PTPRD: variants seen among roughly 807,000 people sequenced by gnomAD.
PTPRD encodes protein tyrosine phosphatase receptor type D.
PTPRD carries 34 observed loss-of-function variants against 214.5 expected under a neutral mutation model. That is an observed-to-expected ratio of 0.16 (90% CI 0.12 to 0.21). The LOEUF is 0.21. Ranked by LOEUF, PTPRD falls within the 10% of genes least tolerant of loss-of-function variation. The pLI, the probability that PTPRD is intolerant of heterozygous loss-of-function variation, is 1.00. For synonymous variants in PTPRD, 1,128 were observed against 845.7 expected (o/e 1.33, Z -5.79); for missense variants, 2,545 against 2,398.7 (o/e 1.06, Z -1.27).
At chr9:10,050,071 G>T (rs182053915) in intron 3 of PTPRD, among the ~76,000 whole-genome samples, 63 of 152,188 alleles carry the variant, frequency 4.1e-4, no homozygotes, top group Admixed American at 1.0e-3. Flanking sequence ...CCAGCACCTG[G>T]AATAATAGGT....
At chr9:10,459,837 T>C (rs2098945615) in intron 2 of PTPRD, among the ~76,000 whole-genome samples, 1 of 151,842 alleles carries the variant, frequency 6.6e-6, no homozygotes, top group South Asian at 2.1e-4. Context: ...AATAAATTTA[T>C]CAGTATTTTA....
At chr9:8,689,441 A>G (rs1412588357) in intron 12 of PTPRD, among the ~76,000 whole-genome samples, 2 of 152,016 alleles carry the variant, frequency 1.3e-5, no homozygotes, top group African/African-American at 2.4e-5. Flanking sequence ...AACTGGACTT[A>G]TAATTCCACA....
At chr9:9,763,552 T>G (rs1039705326) in intron 6 of PTPRD, among the ~76,000 whole-genome samples, 5 of 152,172 alleles carry the variant, frequency 3.3e-5, no homozygotes, top group African/African-American at 1.2e-4. Context: ...CCTTATTATT[T>G]TGTTTCCCAT....
chr9:8,825,511 C>G (rs951732922), intron 11 of PTPRD, among the ~76,000 whole-genome samples: 2 of 151,976 alleles, frequency 1.3e-5, no homozygotes, highest in Non-Finnish European at 2.9e-5. Context: ...CTGTTAAAAG[C>G]TGTAATAGCT....
chr9:10,037,580 GA>G (rs376794277), intron 3 of PTPRD, among the ~76,000 whole-genome samples: 5,918 of 83,092 alleles, frequency 0.071, 236 homozygotes, highest in Middle Eastern at 0.15. Context: ...TATAGCAGTG[GA>G]AAAAAAAAAA....
At chr9:10,601,220 G>C (rs188215897) in intron 2 of PTPRD, among the ~76,000 whole-genome samples, 7 of 151,736 alleles carry the variant, frequency 4.6e-5, no homozygotes, top group Admixed American at 1.3e-4. Context: ...GGTAGAGTCA[G>C]GGAGACAGTA....
At chr9:9,206,696 C>A (rs2099945074) in intron 9 of PTPRD, among the ~76,000 whole-genome samples, 1 of 152,164 alleles carries the variant, frequency 6.6e-6, no homozygotes, top group South Asian at 2.1e-4. Flanking sequence ...TTGGATGCTT[C>A]CTGGCCTTGA....
intron 7 of PTPRD, among the ~76,000 whole-genome samples, chr9:9,724,313 A>T (rs1435814609): frequency 6.6e-6 from 1 of 152,156 alleles, no homozygotes; most frequent in Non-Finnish European, 1.5e-5. Flanking sequence ...TCAAGGAAAC[A>T]TCACAGTTAC....
intron 9 of PTPRD, among the ~76,000 whole-genome samples, chr9:9,341,777 C>A (rs2092969852): frequency 1.3e-5 from 2 of 151,894 alleles, no homozygotes; most frequent in Admixed American, 1.3e-4. Flanking sequence ...TGAAAGAATT[C>A]TCAAACACTT....
At chr9:10,124,626 TTTTG>T (rs1329137261) in intron 3 of PTPRD, among the ~76,000 whole-genome samples, 2 of 152,200 alleles carry the variant, frequency 1.3e-5, no homozygotes, top group African/African-American at 2.4e-5. Context: ...CATTGTAATT[TTTTG>T]TTTATTAGGG....
chr9:9,494,493 A>C (rs2096077194), intron 8 of PTPRD, among the ~76,000 whole-genome samples: 1 of 152,234 alleles, frequency 6.6e-6, no homozygotes, highest in Non-Finnish European at 1.5e-5. Context: ...ATCAAGATCA[A>C]GGCAAGAGCC....
At chr9:9,668,352 C>T (rs2096763089) in intron 7 of PTPRD, among the ~76,000 whole-genome samples, 1 of 152,078 alleles carries the variant, frequency 6.6e-6, no homozygotes. Context: ...AAGGATTTTG[C>T]TTATTTGGGG....
intron 4 of PTPRD, among the ~76,000 whole-genome samples, chr9:9,964,175 G>T (rs2094538493): frequency 7.4e-6 from 1 of 135,686 alleles, no homozygotes; most frequent in Non-Finnish European, 1.7e-5. Context: ...CAATTTGAAG[G>T]TTTCTCAAAT....
chr9:10,308,301 A>T (rs564119707), intron 3 of PTPRD, among the ~76,000 whole-genome samples: 1 of 152,086 alleles, frequency 6.6e-6, no homozygotes, highest in Non-Finnish European at 1.5e-5. Context: ...TGTTCCCAGC[A>T]TCATTTATTA....
At chr9:8,697,417 CTTTTTTTTTTTTT>C (rs752677458) in intron 12 of PTPRD, among the ~76,000 whole-genome samples, 1 of 63,242 alleles carries the variant, frequency 1.6e-5, no homozygotes, top group Non-Finnish European at 3.0e-5. Flanking sequence ...TTTTTATGTA[CTTTTTTTTTTTTT>C]TTTTTTTTTT....
intron 11 of PTPRD, among the ~76,000 whole-genome samples, chr9:8,977,963 T>C (rs928372559): frequency 2.6e-5 from 4 of 152,096 alleles, no homozygotes; most frequent in South Asian, 2.1e-4. Flanking sequence ...TATACTGTTG[T>C]CTTTTACATG....
chr9:9,073,365 A>T (rs1453110923), intron 10 of PTPRD, among the ~76,000 whole-genome samples: 1 of 152,308 alleles, frequency 6.6e-6, no homozygotes, highest in Non-Finnish European at 1.5e-5. Context: ...TTCTTTTTTT[A>T]AAAAATCAAA....
intron 3 of PTPRD, among the ~76,000 whole-genome samples, chr9:10,108,810 A>G (rs2098661925): frequency 6.6e-6 from 1 of 152,098 alleles, no homozygotes. Context: ...TGTCCTGTAT[A>G]AGAACAGATA....
intron 2 of PTPRD, among the ~76,000 whole-genome samples, chr9:10,490,170 ATAGT>A (rs1466952065): frequency 2.6e-5 from 4 of 152,218 alleles, no homozygotes; most frequent in African/African-American, 9.6e-5. Context: ...TTGGAGGGAT[ATAGT>A]TATTTTTCTC....
Sources: gnomAD v4.1 joint callset for allele counts (sites outside exome capture counted in the v4.1 genomes callset) on GRCh38, gnomAD v4.1.1 for gene constraint, MANE v1.5 for transcripts, NCBI Gene and HGNC (gene_info 2026-07-23, HGNC 2026-07-21) for gene names.